Variants in LPIN1 observed in about 807,000 individuals in gnomAD.
LPIN1 encodes phosphatidate phosphatase LPIN1.
Under a neutral mutation model 107.5 loss-of-function variants are expected in LPIN1, and 71 were observed. The observed-to-expected ratio is 0.66, with a 90% CI of 0.55 to 0.80. LPIN1 has a LOEUF of 0.80. Among genes scored for constraint, LPIN1 ranks in the 30% least tolerant of loss-of-function variants. The pLI is 0.00. For missense variants in LPIN1, 1,043 were observed against 1,160.6 expected (o/e 0.90, Z 1.47); for synonymous variants, 445 against 452.6 (o/e 0.98, Z 0.21).
At chr2:11,793,654 T>C (rs1201828544) in intron 13 of LPIN1, among the ~76,000 whole-genome samples, 2 of 152,352 alleles carry the variant, frequency 1.3e-5, no homozygotes, top group Non-Finnish European at 2.9e-5. Flanking sequence ...TAGTATTCTG[T>C]GGACCCCTCT....
chr2:11,714,124 G>C (rs1325850132), intron 2 of LPIN1, among the ~76,000 whole-genome samples: 1 of 152,216 alleles, frequency 6.6e-6, no homozygotes, highest in Non-Finnish European at 1.5e-5. Context: ...GTGCCAAGAG[G>C]AAGAGGTCTG....
In LPIN1 at chr2:11,729,562, G is replaced by A. The variant is rs111394157; in HGVS notation, c.-72+5023G>A. On this transcript the variant is annotated intron_variant, in intron 1 of 21. Coordinates refer to the LPIN1 transcript ENST00000396097. ...GTGTTGTAAATCAAGTCTTATTGGAGCAAAGTTATGCCCATTTGGTTATAT... is the reference window on the plus strand; with the variant it reads ...GTGTTGTAAATCAAGTCTTATTGGAACAAAGTTATGCCCATTTGGTTATAT... Among the ~76,000 whole-genome samples, 26 of 152,296 alleles carry A rather than the reference G, an allele frequency of 1.7e-4. No individual in the cohort carries two copies. The East Asian group carries it at 5.0e-3, about 29-fold the overall frequency.
chr2:11,790,886 A>G (rs1572853884), intron 12 of LPIN1, among the ~76,000 whole-genome samples: 1 of 152,074 alleles, frequency 6.6e-6, no homozygotes, highest in Non-Finnish European at 1.5e-5. Flanking sequence ...TTTCTGGGCT[A>G]TTTTTGTTTG....
intron 1 of LPIN1, among the ~76,000 whole-genome samples, chr2:11,736,510 G>A (rs992143082): frequency 6.6e-6 from 1 of 152,174 alleles, no homozygotes; most frequent in African/African-American, 2.4e-5. Flanking sequence ...ACCTCCCAAA[G>A]GCTCCACCTC....
chr2:11,775,999 A>G, intron 5 of LPIN1, 87 bp from the exon 6 acceptor site: 1 of 471,678 alleles, frequency 2.1e-6, no homozygotes, highest in East Asian at 4.0e-5. Context: ...TATAAAGTAT[A>G]TTACATATAC....
At chr2:11,731,721 G>A (rs992980520) in intron 1 of LPIN1, among the ~76,000 whole-genome samples, 6 of 152,026 alleles carry the variant, frequency 3.9e-5, no homozygotes, top group Non-Finnish European at 8.8e-5. Flanking sequence ...CCACAGCCTC[G>A]CCAGCATCTA....
At chr2:11,749,345 C>T (rs1558795421) in intron 1 of LPIN1, among the ~76,000 whole-genome samples, 1 of 152,146 alleles carries the variant, frequency 6.6e-6, no homozygotes, top group Non-Finnish European at 1.5e-5. Context: ...AGAGGATGCA[C>T]CAGCGCCTGA....
intron 6 of LPIN1, chr2:11,777,139 C>A (rs528877561): frequency 6.6e-6 from 1 of 152,306 alleles, no homozygotes; most frequent in East Asian, 1.9e-4. Flanking sequence ...AATAATATTT[C>A]ATGACGGAGC....
At chr2:11,744,287 T>G (rs371943644), upstream of LPIN1, among the ~76,000 whole-genome samples, 6 of 152,352 alleles carry the variant, frequency 3.9e-5, no homozygotes, top group African/African-American at 9.6e-5. Context: ...CAGGCCTGGT[T>G]GCTGATAGCA....
intron 1 of LPIN1, chr2:11,681,463 C>A: frequency 6.3e-6 from 1 of 158,368 alleles, no homozygotes; most frequent in Non-Finnish European, 1.4e-5. Flanking sequence ...ATAGGACGTG[C>A]TGGCTTCCCC....
At chr2:11,789,478 A>G (rs1464552969) in intron 12 of LPIN1, among the ~76,000 whole-genome samples, 6 of 148,648 alleles carry the variant, frequency 4.0e-5, no homozygotes, top group Admixed American at 6.7e-5. Context: ...ACGTGTGTGC[A>G]TGTGTGGATG....
At position 11,776,129 on chromosome 2, in the gene LPIN1, G is replaced by C. The variant is rs917371588; in HGVS notation, c.766G>C (p.Ala256Pro). ...CKRTAPHLAV[A>P]AEGGLSSSCP... ...AAGGACTGCCCCTCATCTTGCAGTTGCGGCCGAGGGAGGTCTGTCTAGTTC... is the reference window on the plus strand; with the variant it reads ...AAGGACTGCCCCTCATCTTGCAGTTCCGGCCGAGGGAGGTCTGTCTAGTTC... Residue 256 changes from alanine to proline, a missense_variant, in exon 6 of 21, where the codon GCG becomes CCG. Ala to Pro is a conservative substitution (Grantham distance 27). Transcript: ENST00000674199. The C allele has an allele frequency of 6.5e-7, 1 of 1,548,426 alleles. No individual in the cohort carries two copies. The highest frequency in any genetic ancestry group is 1.4e-5 in the African/African-American group (1 of 72,908).
chr2:11,755,643 C>CG (rs1273373828), intron 1 of LPIN1, among the ~76,000 whole-genome samples: 2 of 151,398 alleles, frequency 1.3e-5, no homozygotes, highest in African/African-American at 4.9e-5. Context: ...CCTGGACAGC[C>CG]GGGGGAGGAA....
chr2:11,700,508 G>A (rs557930345), intron 1 of LPIN1, among the ~76,000 whole-genome samples: 11 of 143,064 alleles, frequency 7.7e-5, no homozygotes, highest in East Asian at 2.0e-4. Flanking sequence ...TCTCTCTCTC[G>A]CTCTCTCTCC....
chr2:11,765,413 A>G lies in LPIN1; in HGVS notation c.-9-120A>G, dbSNP rs371902417. On this transcript the variant is annotated intron_variant, in intron 1 of 20. Coordinates refer to ENST00000674199, the MANE Select transcript of LPIN1 (RefSeq NM_001349206.2). This position sits in a 1 kb window ranked among gnomAD's most constrained non-coding sequence, Gnocchi z 4.4. The stretch of plus-strand genomic sequence containing the variant: ...GTGGATAGAACACATTCCGGAAATG[A>G]GAGGAGCTGAAAGTTGAGTGTGTAA... 459 of 915,888 alleles carry G rather than the reference A, an allele frequency of 5.0e-4. 3 individuals carry two copies. The African/African-American group carries it at 6.5e-3, about 13-fold the overall frequency. 56.7% of individuals were successfully genotyped at this position (915,888 alleles called of 1,614,324 possible). A position where few individuals can be genotyped will look rare whatever the true frequency, so the allele number is the denominator to read the frequency against.
chr2:11,689,780 C>G (rs1572315565), intron 1 of LPIN1, among the ~76,000 whole-genome samples: 1 of 152,150 alleles, frequency 6.6e-6, no homozygotes, highest in Admixed American at 6.5e-5. Flanking sequence ...TGGCGGGTGC[C>G]TGTATTCCCA....
intron 1 of LPIN1, among the ~76,000 whole-genome samples, chr2:11,729,716 G>C (rs928482544): frequency 2.0e-5 from 3 of 152,206 alleles, no homozygotes; most frequent in Non-Finnish European, 4.4e-5. Flanking sequence ...TGAGAAGTCT[G>C]TTGTAATTCT....
chr2:11,805,243 C>CA (rs1184059291), intron 17 of LPIN1, 87 bp downstream of exon 17: 1 of 1,075,780 alleles, frequency 9.3e-7, no homozygotes, highest in Non-Finnish European at 1.4e-6. Flanking sequence ...TGTCCCAGCA[C>CA]GGGGTGACTT....
At position 11,773,705 on chromosome 2, in the gene LPIN1, T is replaced by C. The variant is rs1335989504; in HGVS notation, c.682T>C (p.Ser228Pro). The change falls in exon 5 of 21, where the codon TCA (serine) becomes CCA (proline). Residue 228 changes from serine (S) to proline (P), a missense_variant. By Grantham distance (74) the Ser-to-Pro change is moderately conservative (BLOSUM62 -1). Transcript: ENST00000674199. ...SLAVIYPQSA[S>P]YPNSDREWSP... Reference sequence around the variant, plus strand: ...GGCTGTGATTTACCCTCAGTCAGCCTCATACCCTAATTCGGATAGAGAGTG... The same window carrying C: ...GGCTGTGATTTACCCTCAGTCAGCCCCATACCCTAATTCGGATAGAGAGTG... The C allele has an allele frequency of 1.2e-6, 2 of 1,614,032 alleles. No homozygotes were observed. The highest frequency in any genetic ancestry group is 1.7e-6 in the Non-Finnish European group (2 of 1,179,892).
Sources: allele counts gnomAD v4.1 joint callset (sites outside exome capture counted in the v4.1 genomes callset), GRCh38; gene constraint gnomAD v4.1.1; non-coding constraint Gnocchi (gnomAD v3.1); transcripts MANE v1.5; gene names NCBI Gene and HGNC (gene_info 2026-07-23, HGNC 2026-07-21).